The following ZNF880 variants were observed in gnomAD, a reference collection of about 807,000 sequenced individuals.
ZNF880 encodes zinc finger protein LOC400713.
A neutral mutation model predicts 11.8 loss-of-function variants in ZNF880; 12 were observed. The ratio of observed to expected loss-of-function variants is 1.02; its 90% confidence interval spans 0.65 to 1.65. ZNF880 has a LOEUF of 1.65. Ranked by LOEUF, ZNF880 falls within the 40% of genes most tolerant of loss-of-function variation. The probability of loss-of-function intolerance (pLI) is 0.00; values close to 1 mark genes in which losing one functional copy is unlikely to be tolerated. For missense variants in ZNF880, 601 were observed against 673.9 expected, an observed-to-expected ratio of 0.89 and a Z score of 1.20; for synonymous variants, 210 against 232.4, an observed-to-expected ratio of 0.90 and a Z score of 0.88.
chr19:52,395,216 A>T, the ZNF880 span, among the ~76,000 whole-genome samples: 1 of 152,200 alleles, frequency 6.6e-6, no homozygotes, highest in South Asian at 2.1e-4. Flanking sequence ...CCAGCCTGTC[A>T]CTTTTATTTC....
At chr19:52,390,050 G>T (rs781665976), downstream of ZNF880, 1 of 155,966 alleles carries the variant, frequency 6.4e-6, no homozygotes, top group African/African-American at 2.4e-5. Flanking sequence ...GTATTAGTCT[G>T]TTCTCACGCT....
At chr19:52,392,417 C>A in the ZNF880 span, among the ~76,000 whole-genome samples, 1 of 152,206 alleles carries the variant, frequency 6.6e-6, no homozygotes, top group African/African-American at 2.4e-5. Flanking sequence ...TCTCCTGCCT[C>A]AGACTCCCAG....
chr19:52,380,458 T>C (rs1438190202), intron 3 of ZNF880, among the ~76,000 whole-genome samples: 3 of 152,132 alleles, frequency 2.0e-5, no homozygotes, highest in Non-Finnish European at 2.9e-5. Flanking sequence ...TATTCCATTC[T>C]TTTCCTTATT....
downstream of ZNF880, among the ~76,000 whole-genome samples, chr19:52,386,428 A>C (rs546978926): frequency 7.0e-6 from 1 of 143,430 alleles, no homozygotes; most frequent in Non-Finnish European, 1.5e-5. Flanking sequence ...GAAATAGAGC[A>C]TATCTGTAGA....
At chr19:52,396,122 T>TC in the ZNF880 span, among the ~76,000 whole-genome samples, 1 of 8,358 alleles carries the variant, frequency 1.2e-4, no homozygotes, top group South Asian at 2.9e-3. Flanking sequence ...GCCTGGCTAA[T>TC]TTTTTTTTTT....
downstream of ZNF880, chr19:52,390,371 T>C: frequency 2.5e-6 from 1 of 407,546 alleles, no homozygotes; most frequent in Non-Finnish European, 5.0e-6. Context: ...CCTGGGATCC[T>C]GCAGACCCTG....
intron 1 of ZNF880, 43 bp from the exon 2 acceptor site, chr19:52,373,068 T>C (rs1441235383): frequency 6.2e-7 from 1 of 1,603,038 alleles, no homozygotes; most frequent in South Asian, 1.1e-5. Flanking sequence ...TGTCTCCTCA[T>C]TTTGTGTGAT....
intron 3 of ZNF880, among the ~76,000 whole-genome samples, chr19:52,380,434 T>C (rs1471282097): frequency 2.6e-5 from 4 of 152,124 alleles, no homozygotes. Flanking sequence ...GTATATCACC[T>C]CTGGAAAAAT....
intron 1 of ZNF880, 97 bp from the exon 2 acceptor site, chr19:52,373,014 G>A (rs1986433328): frequency 1.6e-6 from 2 of 1,278,146 alleles, no homozygotes; most frequent in Non-Finnish European, 2.3e-6. Flanking sequence ...ACCTTAACGT[G>A]GATTTGTCAG....
the ZNF880 span, chr19:52,396,334 A>G: frequency 4.6e-5 from 7 of 152,176 alleles, no homozygotes; most frequent in Admixed American, 2.0e-4. Flanking sequence ...ATCTGGAGGT[A>G]GAGGCTGGTC....
Position 52,384,875 on chromosome 19 carries a change from G to C in ZNF880, c.1295G>C (p.Gly432Ala). 6.3e-7 allele frequency: 1 copy of C among 1,581,878 alleles called. No individual in the cohort carries two copies. Among genetic ancestry groups the C allele is most frequent in the Non-Finnish European group, 8.6e-7 (1 of 1,164,626 alleles). The change falls in exon 4 of 4, where the codon GGA becomes GCA. Residue 432 changes from glycine (G) to alanine (A), a missense_variant. Gly to Ala is a moderately conservative substitution (Grantham distance 60, BLOSUM62 0). Around this residue, in one of 3 missense-constraint regions of ZNF880, gnomAD observed 177 missense variants for 214.5 expected, o/e 0.83. Coordinates refer to ENST00000422689, the MANE Select transcript of ZNF880 (RefSeq NM_001145434.2). ...ACTGCCCATCTACTAATTCACACTG[G>C]AGAGAAACCTTACAAATGTAAAGAA... ...GLTAHLLIHT[G>A]EKPYKCKECA...
At chr19:52,370,962 TGACA>T (rs1432580642) in intron 1 of ZNF880, among the ~76,000 whole-genome samples, 4 of 152,322 alleles carry the variant, frequency 2.6e-5, no homozygotes, top group Middle Eastern at 3.4e-3. Flanking sequence ...AAGAGGTTAT[TGACA>T]GACAACTCTT....
the ZNF880 span, chr19:52,397,232 G>C: frequency 6.6e-6 from 1 of 151,088 alleles, no homozygotes; most frequent in South Asian, 2.1e-4. Flanking sequence ...CCCTAGGAAA[G>C]TCTCTGGAAT....
rs945505076 is a variant in ZNF880 at position 52,369,950 on chromosome 19, A to T, written c.-16A>T. 57 of 1,551,512 alleles carry T rather than the reference A, an allele frequency of 3.7e-5. No homozygotes were observed. The highest frequency in any genetic ancestry group is 4.7e-5 in the Non-Finnish European group (54 of 1,146,994). The stretch of plus-strand genomic sequence containing the variant: ...TTTCCTGGAGACCCGGAAGCAGATT[A>T]CGTGGAGTGACGGTCATGCTGCGGC... On this transcript the variant is annotated 5_prime_UTR_variant, in exon 1 of 4. Transcript: ENST00000422689.
rs1418373992 is a variant in ZNF880, at chr19:52,385,621, G to A, written c.*307G>A. 6 of 287,054 alleles carry A rather than the reference G, an allele frequency of 2.1e-5. 1 individual carries two copies. Among genetic ancestry groups the A allele is most frequent in the East Asian group, 2.0e-4 (3 of 14,804 alleles). The allele number at this position is 287,054 out of a possible 1,614,324, so 17.8% of individuals were successfully genotyped here. A position where few individuals can be genotyped will look rare whatever the true frequency, so the allele number is the denominator to read the frequency against. ...GGAACATGATAAGATTTACACAAGC[G>A]ATAATTCAGTCTCTAGTTCTCCAAT... On this transcript the variant is annotated 3_prime_UTR_variant, in exon 4 of 4. Transcript: ENST00000422689.
chr19:52,375,000 G>A (rs370497410), intron 3 of ZNF880, among the ~76,000 whole-genome samples: 33 of 151,592 alleles, frequency 2.2e-4, no homozygotes, highest in Admixed American at 1.3e-4. Flanking sequence ...GCCTGCCAAC[G>A]TGCTTGGATT....
chr19:52,369,842 T>G (rs1162222886), upstream of ZNF880: 3 of 1,283,294 alleles, frequency 2.3e-6, no homozygotes, highest in African/African-American at 3.0e-5. Flanking sequence ...CGAGACGAGC[T>G]GGGAGCGAGG....
rs1317671357 is a variant in ZNF880 at position 52,385,785 on chromosome 19, T to C, written c.*471T>C. ...AATTAAAAAACCTAATTATATGGGG[T>C]TTTTTGAAAAGGCTACTTTACATTT... On this transcript the variant is annotated 3_prime_UTR_variant, in exon 4 of 4. Transcript: ENST00000422689. 1 of 148,540 alleles carries C rather than the reference T, an allele frequency of 6.7e-6. No homozygotes were observed. Among genetic ancestry groups the C allele is most frequent in the Non-Finnish European group, 1.5e-5 (1 of 68,808 alleles). 9.2% of individuals were successfully genotyped at this position (148,540 alleles called of 1,614,324 possible).
the ZNF880 span, chr19:52,397,230 A>C: frequency 6.6e-6 from 1 of 151,844 alleles, no homozygotes; most frequent in African/African-American, 2.4e-5. Context: ...GTCCCTAGGA[A>C]AGTCTCTGGA....
Sources: allele counts gnomAD v4.1 joint callset (sites outside exome capture counted in the v4.1 genomes callset), GRCh38; gene constraint gnomAD v4.1.1; regional missense constraint gnomAD v4.1.1; transcripts MANE v1.5; gene names NCBI Gene and HGNC (gene_info 2026-07-23, HGNC 2026-07-21).